MAF: variants seen among roughly 807,000 people sequenced by gnomAD.
The protein encoded by MAF is transcription factor Maf.
MAF carries 10 observed loss-of-function variants against 22.0 expected under a neutral mutation model. The ratio of observed to expected loss-of-function variants is 0.45; its 90% CI spans 0.28 to 0.77. MAF has a LOEUF of 0.77. MAF is among the 30% of genes least tolerant of loss of function. MAF has a pLI of 0.12. For missense variants in MAF, 544 were observed against 548.4 expected (o/e 0.99, Z 0.08); for synonymous variants, 337 against 255.8 (o/e 1.32, Z -3.03).
the MAF span, among the ~76,000 whole-genome samples, chr16:79,280,527 C>T: frequency 6.6e-6 from 1 of 152,250 alleles, no homozygotes; most frequent in African/African-American, 2.4e-5. Context: ...CACCTAAACT[C>T]ATTCTTCCAC....
At chr16:79,326,028 C>A in the MAF span, among the ~76,000 whole-genome samples, 1,716 of 152,332 alleles carry the variant, frequency 0.011, 24 homozygotes, top group African/African-American at 0.039. Flanking sequence ...GGTCTGACCA[C>A]TGACTCCATC....
At chr16:79,286,715 G>T in the MAF span, among the ~76,000 whole-genome samples, 78,998 of 152,028 alleles carry the variant, frequency 0.52, 22,719 homozygotes, top group Admixed American at 0.64. Context: ...ATCTTTAACA[G>T]GTGAAACAAC....
the MAF span, among the ~76,000 whole-genome samples, chr16:79,284,888 A>G: frequency 6.6e-6 from 1 of 152,188 alleles, no homozygotes; most frequent in East Asian, 1.9e-4. Context: ...AGCCAGACTG[A>G]AAATCAGCTC....
the MAF span, among the ~76,000 whole-genome samples, chr16:79,328,961 G>A: frequency 3.3e-5 from 5 of 152,126 alleles, no homozygotes; most frequent in Admixed American, 3.3e-4. Flanking sequence ...CTGTCATTGT[G>A]TCTGTCTTTA....
At chr16:79,583,136 C>A (rs1045098812), downstream of MAF, among the ~76,000 whole-genome samples, 7 of 152,180 alleles carry the variant, frequency 4.6e-5, no homozygotes, top group African/African-American at 1.7e-4. Context: ...ATCAGGAAAC[C>A]ACATTTGCAT....
chr16:79,253,151 G>T, the MAF span, among the ~76,000 whole-genome samples: 1 of 152,100 alleles, frequency 6.6e-6, no homozygotes, highest in Non-Finnish European at 1.5e-5. Flanking sequence ...AAATAGCTGT[G>T]ACCTTTGCAA....
At chr16:79,536,969 C>G in the MAF span, among the ~76,000 whole-genome samples, 1 of 152,122 alleles carries the variant, frequency 6.6e-6, no homozygotes, top group Non-Finnish European at 1.5e-5. Context: ...ATGATAGTGT[C>G]AGTAGAGAGA....
At position 79,600,011 on chromosome 16, in the gene MAF, G is replaced by C; in HGVS notation, c.-109C>G. 6 of 1,508,336 alleles carry C rather than the reference G, an allele frequency of 4.0e-6. No homozygotes were observed. The highest frequency in any genetic ancestry group is 5.4e-6 in the Non-Finnish European group (6 of 1,110,912). 93.4% of individuals were successfully genotyped at this position (1,508,336 alleles called of 1,614,324 possible). On this transcript the variant is annotated 5_prime_UTR_variant, in exon 1 of 2. Coordinates refer to ENST00000326043, the MANE Select transcript of MAF (RefSeq NM_005360.5). Reference sequence around the variant, plus strand: ...GCGGGTGAGCCAGCTTGCCGGGCTGGGGCGCTTCTAGCTTGCGCGGCGGTG... The same window carrying C: ...GCGGGTGAGCCAGCTTGCCGGGCTGCGGCGCTTCTAGCTTGCGCGGCGGTG...
the MAF span, among the ~76,000 whole-genome samples, chr16:79,441,701 A>G: frequency 6.6e-6 from 1 of 152,256 alleles, no homozygotes; most frequent in South Asian, 2.1e-4. Context: ...TAGAAGAGGA[A>G]CAATTATTTG....
the MAF span, among the ~76,000 whole-genome samples, chr16:79,537,341 G>A: frequency 2.6e-5 from 4 of 152,192 alleles, no homozygotes; most frequent in East Asian, 5.8e-4. Context: ...AATAGTCATC[G>A]AGTACTTGCA....
the MAF span, among the ~76,000 whole-genome samples, chr16:79,408,440 C>G: frequency 6.6e-6 from 1 of 152,052 alleles, no homozygotes; most frequent in East Asian, 1.9e-4. Context: ...CCTCCCAAAG[C>G]GCTGGGATTA....
the MAF span, among the ~76,000 whole-genome samples, chr16:79,537,412 C>T: frequency 6.6e-6 from 1 of 151,410 alleles, no homozygotes; most frequent in South Asian, 2.1e-4. Flanking sequence ...CACAAGAATT[C>T]CAAAAGGGAG....
the MAF span, among the ~76,000 whole-genome samples, chr16:79,542,063 C>T: frequency 6.6e-6 from 1 of 152,140 alleles, no homozygotes; most frequent in African/African-American, 2.4e-5. Flanking sequence ...CTGGTTGGTC[C>T]CAGTTCTCCT....
chr16:79,346,177 G>A, the MAF span, among the ~76,000 whole-genome samples: 4 of 139,430 alleles, frequency 2.9e-5, no homozygotes, highest in Admixed American at 2.2e-4. Flanking sequence ...ATTCCTCCCC[G>A]CTCCCCCCAC....
the MAF span, among the ~76,000 whole-genome samples, chr16:79,227,348 C>G: frequency 6.6e-6 from 1 of 152,080 alleles, no homozygotes; most frequent in Non-Finnish European, 1.5e-5. Flanking sequence ...GATACCCTGT[C>G]TCACACAAAC....
At chr16:79,243,048 G>A in the MAF span, among the ~76,000 whole-genome samples, 1 of 152,032 alleles carries the variant, frequency 6.6e-6, no homozygotes, top group Non-Finnish European at 1.5e-5. Flanking sequence ...CACATGTAAA[G>A]CAGTATGCAG....
At chr16:79,212,410 C>T in the MAF span, 1 of 399,462 alleles carries the variant, frequency 2.5e-6, no homozygotes, top group Non-Finnish European at 4.5e-6. Context: ...GTCATAGACT[C>T]CTTTGCTAAT....
chr16:79,426,969 A>G, the MAF span, among the ~76,000 whole-genome samples: 40 of 152,356 alleles, frequency 2.6e-4, no homozygotes, highest in Middle Eastern at 3.4e-3. Context: ...ACCTGAAGCC[A>G]GCTACATCTG....
At chr16:79,550,700 G>A in the MAF span, among the ~76,000 whole-genome samples, 1 of 152,174 alleles carries the variant, frequency 6.6e-6, no homozygotes, top group Admixed American at 6.5e-5. Context: ...TTGCTGGGTA[G>A]AATTTGCCTA....
Sources: gnomAD v4.1 joint callset for allele counts (sites outside exome capture counted in the v4.1 genomes callset) on GRCh38, gnomAD v4.1.1 for gene constraint, MANE v1.5 for transcripts, NCBI Gene and HGNC (gene_info 2026-07-23, HGNC 2026-07-21) for gene names.